Variants in GRIK5 observed in about 807,000 individuals in gnomAD.
GRIK5 encodes the protein glutamate ionotropic receptor kainate type subunit 5.
Under a neutral mutation model 97.4 loss-of-function variants are expected in GRIK5, and 43 were observed. That is an observed-to-expected ratio of 0.44 (90% confidence interval 0.35 to 0.57). GRIK5 has a LOEUF of 0.57. Among genes scored for constraint, GRIK5 ranks in the 20% least tolerant of loss-of-function variants. The pLI is 0.01. For missense variants in GRIK5, 1,015 were observed against 1,382.0 expected (o/e 0.73, Z 4.21); for synonymous variants, 580 against 583.5 (o/e 0.99, Z 0.09).
Position 42,002,208 on chromosome 19 carries a change from A to C in GRIK5, c.2514+1124T>G. 1.4e-6 allele frequency: 1 copy of C among 717,466 alleles called. No individual in the cohort carries two copies. The highest frequency in any genetic ancestry group is 2.7e-5 in the East Asian group (1 of 37,288). The allele number at this position is 717,466 out of a possible 1,614,324, so 44.4% of individuals were successfully genotyped here. A position where few individuals can be genotyped will look rare whatever the true frequency, so the allele number is the denominator to read the frequency against. ...GTGGGGGGCAAGAGGAAATGGGAGG[A>C]AAGAAGAAACTGGAAGCATCAGGGA... On this transcript the variant is annotated intron_variant, in intron 19 of 19. Coordinates refer to ENST00000593562, the MANE Select transcript of GRIK5 (RefSeq NM_002088.5). This position sits in a 1 kb window ranked among gnomAD's most constrained non-coding sequence, Gnocchi z 5.2.
chr19:42,022,397 G>T lies in GRIK5; in HGVS notation c.1474-43C>A. On this transcript the variant is annotated intron_variant, in intron 12 of 19. Coordinates refer to ENST00000593562, the MANE Select transcript of GRIK5 (RefSeq NM_002088.5). The surrounding 1 kb of genome is among the most constrained non-coding windows in gnomAD (Gnocchi z 4.2). ...GGGCAGGGGTGGAGGGGGACAGAGG[G>T]GAAGACAGAAGTGGACAGTTAGAGA... The T allele has an allele frequency of 6.4e-7, 1 of 1,568,214 alleles. No homozygotes were observed. The highest frequency in any genetic ancestry group is 8.7e-7 in the Non-Finnish European group (1 of 1,143,768).
intron 12 of GRIK5, among the ~76,000 whole-genome samples, chr19:42,040,815 G>A (rs1392982710): frequency 6.6e-6 from 1 of 152,110 alleles, no homozygotes; most frequent in Non-Finnish European, 1.5e-5. Context: ...AGGTTGCTGT[G>A]AGCAGAGATC....
At chr19:42,066,436 AC>A (rs2076333208) in intron 1 of GRIK5, among the ~76,000 whole-genome samples, 1 of 150,880 alleles carries the variant, frequency 6.6e-6, no homozygotes, top group African/African-American at 2.4e-5. Flanking sequence ...CACACACAGA[AC>A]CCCATAGATG....
chr19:42,001,953 A>T, intron 19 of GRIK5: 1 of 602,704 alleles, frequency 1.7e-6, no homozygotes, highest in Non-Finnish European at 2.9e-6. Flanking sequence ...GAGCCCCACA[A>T]CAAACAGAGC....
chr19:42,034,380 T>G (rs2075876560), intron 12 of GRIK5, among the ~76,000 whole-genome samples: 2 of 151,986 alleles, frequency 1.3e-5, no homozygotes, highest in Non-Finnish European at 2.9e-5. Flanking sequence ...TTTCAAAAAC[T>G]AAAAAATAAT....
At chr19:42,057,555 T>C (rs2076203935) in intron 6 of GRIK5, among the ~76,000 whole-genome samples, 1 of 152,012 alleles carries the variant, frequency 6.6e-6, no homozygotes, top group Non-Finnish European at 1.5e-5. Flanking sequence ...AAAATTGTTT[T>C]TTTGTAGAGA....
intron 11 of GRIK5, among the ~76,000 whole-genome samples, chr19:42,051,311 A>G (rs2076113741): frequency 6.6e-6 from 1 of 152,070 alleles, no homozygotes; most frequent in South Asian, 2.1e-4. Context: ...TCTCAGCACA[A>G]GATCCCTGAG....
At chr19:42,044,041 G>C (rs556083323) in intron 11 of GRIK5, among the ~76,000 whole-genome samples, 2 of 152,250 alleles carry the variant, frequency 1.3e-5, no homozygotes, top group South Asian at 4.1e-4. Flanking sequence ...ACTGAATCAG[G>C]GGGGCGGTTT....
chr19:42,036,172 G>C (rs1459779246), intron 12 of GRIK5, among the ~76,000 whole-genome samples: 1 of 151,310 alleles, frequency 6.6e-6, no homozygotes, highest in Non-Finnish European at 1.5e-5. Flanking sequence ...CGATTCTCCT[G>C]CCTCAGCCTC....
At chr19:42,007,390 C>T (rs1245750411) in intron 15 of GRIK5, among the ~76,000 whole-genome samples, 3 of 152,128 alleles carry the variant, frequency 2.0e-5, no homozygotes, top group Non-Finnish European at 2.9e-5. Flanking sequence ...CGACCACGCC[C>T]GGCCAGGAAA....
At chr19:42,027,705 G>T (rs910860293) in intron 12 of GRIK5, among the ~76,000 whole-genome samples, 2 of 152,108 alleles carry the variant, frequency 1.3e-5, no homozygotes, top group African/African-American at 4.8e-5. Flanking sequence ...GTGAGATTTG[G>T]GTCTCATCTG....
At position 42,059,534 on chromosome 19, in the gene GRIK5, G is replaced by T; in HGVS notation, c.509-7C>A. On this transcript the variant is annotated splice_polypyrimidine_tract_variant and splice_region_variant and intron_variant, in intron 5 of 19. Transcript: ENST00000593562. ...TCCTCCAATCGCAGCAGGCCTGAGGGAGGGGTGGGGCCTTGGGTTGGAGCC... is the reference window on the plus strand; with the variant it reads ...TCCTCCAATCGCAGCAGGCCTGAGGTAGGGGTGGGGCCTTGGGTTGGAGCC... 1 of 1,608,454 alleles carries T rather than the reference G, an allele frequency of 6.2e-7. No individual in the cohort carries two copies.
In GRIK5 at chr19:42,035,314, T is replaced by C. The variant is rs1045846811; in HGVS notation, c.1473+7238A>G. On this transcript the variant is annotated intron_variant, in intron 12 of 19. Coordinates refer to ENST00000593562, the MANE Select transcript of GRIK5 (RefSeq NM_002088.5). ...GCTGTTTTTAAAGATGAGGCAGATCTATGTGTACTAACGTGGGAAGATGGC... is the reference window on the plus strand; with the variant it reads ...GCTGTTTTTAAAGATGAGGCAGATCCATGTGTACTAACGTGGGAAGATGGC... 6.6e-5 allele frequency among the ~76,000 whole-genome samples: 10 copies of C among 152,148 alleles called. 1 individual carries two copies. Among genetic ancestry groups the C allele is most frequent in the Admixed American group, 3.9e-4 (6 of 15,276 alleles).
chr19:42,029,302 G>A lies in GRIK5; in HGVS notation c.1474-6948C>T, dbSNP rs191140448. ...AGGATGGTCTCGATCTCTTGACCTCGTGATCCGCCCTCCTCAGCCTCCCAC... is the reference window on the plus strand; with the variant it reads ...AGGATGGTCTCGATCTCTTGACCTCATGATCCGCCCTCCTCAGCCTCCCAC... On this transcript the variant is annotated intron_variant, in intron 12 of 19. Coordinates refer to ENST00000593562, the MANE Select transcript of GRIK5 (RefSeq NM_002088.5). 1.1e-3 allele frequency among the ~76,000 whole-genome samples: 172 copies of A among 151,892 alleles called. 3 individuals are homozygous for A. The East Asian group carries it at 0.027, about 24-fold the overall frequency.
intron 17 of GRIK5, 69 bp downstream of exon 17, chr19:42,005,654 C>G: frequency 8.8e-7 from 1 of 1,133,306 alleles, no homozygotes; most frequent in Non-Finnish European, 1.3e-6. Context: ...TGGCCCGGTC[C>G]TGGGCCTGCT....
chr19:42,034,143 C>A (rs1021176818), intron 12 of GRIK5, among the ~76,000 whole-genome samples: 10 of 152,150 alleles, frequency 6.6e-5, no homozygotes, highest in Admixed American at 2.6e-4. Flanking sequence ...AGGTAGATTG[C>A]TTGAGCCGAG....
At chr19:42,024,879 T>G (rs2075750668) in intron 12 of GRIK5, among the ~76,000 whole-genome samples, 1 of 152,216 alleles carries the variant, frequency 6.6e-6, no homozygotes, top group South Asian at 2.1e-4. Flanking sequence ...CCCCACTCCC[T>G]GGACACCACT....
intron 11 of GRIK5, 137 bp downstream of exon 11, chr19:42,053,465 G>C (rs1325387781): frequency 4.8e-6 from 3 of 624,872 alleles, no homozygotes; most frequent in Non-Finnish European, 8.6e-6. Context: ...TCACAACCTG[G>C]AGTTGCTGCG....
chr19:42,066,551 GA>G (rs1456836969), intron 1 of GRIK5, among the ~76,000 whole-genome samples: 1 of 151,540 alleles, frequency 6.6e-6, no homozygotes, highest in Non-Finnish European at 1.5e-5. Flanking sequence ...GAAAGACAGA[GA>G]GACTCAGAAA....
Sources: gnomAD v4.1 joint callset for allele counts (sites outside exome capture counted in the v4.1 genomes callset) on GRCh38, gnomAD v4.1.1 for gene constraint, Gnocchi (gnomAD v3.1) non-coding constraint, MANE v1.5 for transcripts, NCBI Gene and HGNC (gene_info 2026-07-23, HGNC 2026-07-21) for gene names.